The following MTAP variants were observed in gnomAD, a reference collection of about 807,000 sequenced individuals.
MTAP encodes methylthioadenosine phosphorylase, also known as S-methyl-5'-thioadenosine phosphorylase.
A neutral mutation model predicts 33.6 loss-of-function variants in MTAP; 33 were observed. The ratio of observed to expected loss-of-function variants is 0.98; its 90% CI spans 0.74 to 1.31. The LOEUF (loss-of-function observed/expected upper bound fraction) is 1.31. Ranked by LOEUF, MTAP falls within the 40% of genes most tolerant of loss-of-function variation. The pLI, the probability that MTAP is intolerant of heterozygous loss-of-function variation, is 0.00. For missense variants in MTAP, 367 were observed against 360.0 expected (o/e 1.02, Z -0.16); for synonymous variants, 148 against 125.7 (o/e 1.18, Z -1.19).
intron 4 of MTAP, among the ~76,000 whole-genome samples, chr9:21,835,544 C>T (rs1825084238): frequency 6.6e-6 from 1 of 152,026 alleles, no homozygotes; most frequent in Non-Finnish European, 1.5e-5. Context: ...AGTGAACAGG[C>T]AGGCTTAATT....
At chr9:21,802,871 G>GC in intron 1 of MTAP, 90 bp downstream of exon 1, 4 of 1,547,912 alleles carry the variant, frequency 2.6e-6, no homozygotes, top group Non-Finnish European at 3.5e-6. Flanking sequence ...GGGGCCATGC[G>GC]CCCGGCCCGT....
At position 21,865,033 on chromosome 9, in the gene MTAP, G is replaced by A. The variant is rs542951740; in HGVS notation, c.*3019G>A. On this transcript the variant is annotated 3_prime_UTR_variant, in exon 8 of 8. Coordinates refer to ENST00000644715, the MANE Select transcript of MTAP (RefSeq NM_002451.4). Reference sequence around the variant, plus strand: ...AGTATCTGATGGGTTAGGAAGTCACGAAATGAGGAGTTCTTGCCACATTTG... The same window carrying A: ...AGTATCTGATGGGTTAGGAAGTCACAAAATGAGGAGTTCTTGCCACATTTG... The A allele has an allele frequency of 1.5e-5, 15 of 985,462 alleles. No individual in the cohort carries two copies. The highest frequency in any genetic ancestry group is 5.2e-4 in the Middle Eastern group (1 of 1,914). The allele number at this position is 985,462 out of a possible 1,614,324, so 61.0% of individuals were successfully genotyped here.
At chr9:21,855,508 G>C (rs1409940960) in intron 6 of MTAP, among the ~76,000 whole-genome samples, 1 of 152,158 alleles carries the variant, frequency 6.6e-6, no homozygotes, top group African/African-American at 2.4e-5. Flanking sequence ...TGGGCAAGAA[G>C]GGCATGATTG....
At chr9:21,861,231 A>G (rs1825746186) in intron 7 of MTAP, 1 of 152,204 alleles carries the variant, frequency 6.6e-6, no homozygotes, top group Non-Finnish European at 1.5e-5. Flanking sequence ...CTGAAATTGT[A>G]AAATTGTGTG....
chr9:21,911,936 T>A (rs944632792), intron 1 of MTAP, among the ~76,000 whole-genome samples: 1 of 152,114 alleles, frequency 6.6e-6, no homozygotes, highest in African/African-American at 2.4e-5. Context: ...AAATAAAAAC[T>A]GATAAAGGGA....
chr9:21,891,857 A>G (rs890503678), intron 1 of MTAP, among the ~76,000 whole-genome samples: 3 of 152,216 alleles, frequency 2.0e-5, no homozygotes, highest in Non-Finnish European at 4.4e-5. Flanking sequence ...AAAGAAAAAA[A>G]TACTAAAAGC....
intron 1 of MTAP, among the ~76,000 whole-genome samples, chr9:21,905,503 A>G (rs183514035): frequency 1.3e-5 from 2 of 152,342 alleles, no homozygotes; most frequent in Admixed American, 1.3e-4. Flanking sequence ...ACACACACAC[A>G]TAAAATCACT....
rs537017387 is a variant in MTAP at position 21,903,217 on chromosome 9, C to G, written c.148-27791C>G. 5.9e-5 allele frequency among the ~76,000 whole-genome samples: 9 copies of G among 152,318 alleles called. No homozygotes were observed. The South Asian group carries it at 1.9e-3, about 32-fold the overall frequency. On this transcript the variant is annotated intron_variant, in intron 1 of 1. Coordinates refer to the MTAP transcript ENST00000577563. ...ACATGGACTATACTATATTTAGACT[C>G]CAGCTGCCAGTGAGTCTGGGGGAGG...
At chr9:21,809,532 G>C (rs1005982111) in intron 1 of MTAP, among the ~76,000 whole-genome samples, 7 of 151,972 alleles carry the variant, frequency 4.6e-5, no homozygotes, top group Admixed American at 1.3e-4. Context: ...CCAGCTACTT[G>C]GGAGACTAAG....
chr9:21,930,134 TG>T, intron 1 of MTAP: 1 of 439,400 alleles, frequency 2.3e-6, no homozygotes, highest in Non-Finnish European at 4.5e-6. Flanking sequence ...CACAGCAGAA[TG>T]GGTTCTAATG....
chr9:21,928,028 A>G (rs1044717106), intron 1 of MTAP, among the ~76,000 whole-genome samples: 2 of 152,216 alleles, frequency 1.3e-5, no homozygotes, highest in African/African-American at 2.4e-5. Flanking sequence ...AGAGGCAGCC[A>G]TCTCAAAAGA....
chr9:21,914,995 T>G (rs137961060), intron 1 of MTAP, among the ~76,000 whole-genome samples: 1,396 of 133,338 alleles, frequency 0.01, 45 homozygotes, highest in African/African-American at 0.034. Context: ...CAATACTTTG[T>G]TTTCTTTCCT....
At chr9:21,832,710 C>G (rs568215056) in intron 4 of MTAP, among the ~76,000 whole-genome samples, 14 of 152,182 alleles carry the variant, frequency 9.2e-5, no homozygotes, top group Non-Finnish European at 1.8e-4. Flanking sequence ...AACTTCCCAT[C>G]ATACATCCTT....
intron 4 of MTAP, among the ~76,000 whole-genome samples, chr9:21,829,952 A>G (rs993054633): frequency 2.0e-5 from 3 of 152,120 alleles, no homozygotes; most frequent in Non-Finnish European, 2.9e-5. Context: ...CTCTCATGCT[A>G]CATTACAGCT....
At chr9:21,913,266 T>C (rs905126468) in intron 1 of MTAP, among the ~76,000 whole-genome samples, 2 of 152,076 alleles carry the variant, frequency 1.3e-5, no homozygotes, top group Non-Finnish European at 2.9e-5. Flanking sequence ...CTTCACAGAA[T>C]TGGAAAAATT....
At chr9:21,822,326 T>C (rs541029437) in intron 4 of MTAP, among the ~76,000 whole-genome samples, 8 of 152,338 alleles carry the variant, frequency 5.3e-5, no homozygotes, top group African/African-American at 1.9e-4. Flanking sequence ...TCTGGTATGT[T>C]GTGTATTTGT....
chr9:21,911,515 G>T (rs189340913), intron 1 of MTAP, among the ~76,000 whole-genome samples: 56 of 152,270 alleles, frequency 3.7e-4, no homozygotes, highest in African/African-American at 1.2e-3. Flanking sequence ...TGAAGAACCT[G>T]CTCCTGAATG....
intron 1 of MTAP, among the ~76,000 whole-genome samples, chr9:21,901,615 G>T (rs929521486): frequency 6.6e-6 from 1 of 152,088 alleles, no homozygotes; most frequent in South Asian, 2.1e-4. Context: ...GACTAGGGAG[G>T]ATACCTCAAC....
At chr9:21,882,282 G>A (rs868578562) in intron 1 of MTAP, among the ~76,000 whole-genome samples, 8 of 151,998 alleles carry the variant, frequency 5.3e-5, no homozygotes, top group African/African-American at 1.7e-4. Flanking sequence ...TTTATACTAC[G>A]TTTGCATGCT....
Sources: gnomAD v4.1 joint callset for allele counts (sites outside exome capture counted in the v4.1 genomes callset) on GRCh38, gnomAD v4.1.1 for gene constraint, MANE v1.5 for transcripts, NCBI Gene and HGNC (gene_info 2026-07-23, HGNC 2026-07-21) for gene names.